CACNA2D1: variants seen among roughly 807,000 people sequenced by gnomAD.
CACNA2D1 encodes the protein voltage-dependent calcium channel subunit alpha-2/delta-1.
Under a neutral mutation model 171.5 loss-of-function variants are expected in CACNA2D1, and 53 were observed. The observed-to-expected ratio is 0.31, with a 90% CI of 0.25 to 0.39. CACNA2D1 has a LOEUF of 0.39. Ranked by LOEUF, CACNA2D1 falls within the 10% of genes least tolerant of loss-of-function variation. CACNA2D1 has a pLI of 1.00. For synonymous variants in CACNA2D1, 442 were observed against 443.1 expected (o/e 1.00, Z 0.03); for missense variants, 903 against 1,299.8 (o/e 0.69, Z 4.69).
In CACNA2D1 at chr7:81,974,498, A is replaced by G; in HGVS notation, c.2010T>C (p.Asn670=). 6.3e-7 allele frequency: 1 copy of G among 1,577,618 alleles called. No homozygotes were observed. The highest frequency in any genetic ancestry group is 8.7e-7 in the Non-Finnish European group (1 of 1,148,144). Residue 670 remains asparagine, a synonymous_variant, in exon 25 of 39, where the codon AAT becomes AAC. Transcript: ENST00000356860. ...ISDNNTEFLL[N]FNEFIDRKTP... is the part of the protein sequence containing the mutation. ...TTTTTCTATCAATAAACTCGTTGAA[A>G]TTTAAAAGAAATTCAGTGTTATTAT...
intron 10 of CACNA2D1, chr7:82,050,883 T>TAGG (rs1313861018): frequency 1.6e-5 from 7 of 424,908 alleles, no homozygotes; most frequent in Admixed American, 7.0e-5. Context: ...ACAGAAGCCC[T>TAGG]AGGTTACTTG....
intron 1 of CACNA2D1, among the ~76,000 whole-genome samples, chr7:82,442,309 G>A (rs1830565645): frequency 6.6e-6 from 1 of 152,160 alleles, no homozygotes; most frequent in South Asian, 2.1e-4. Context: ...TAAATACCGG[G>A]AAAGCTACCT....
chr7:81,950,533 A>G, intron 38 of CACNA2D1, 25 bp from the exon 39 acceptor site: 1 of 1,594,486 alleles, frequency 6.3e-7, no homozygotes, highest in Non-Finnish European at 8.5e-7. Context: ...AAAAGAAAAG[A>G]ACAGAAAAAG....
At chr7:82,137,002 G>A (rs904511339) in intron 4 of CACNA2D1, among the ~76,000 whole-genome samples, 2 of 152,134 alleles carry the variant, frequency 1.3e-5, no homozygotes, top group African/African-American at 2.4e-5. Context: ...ACAATGAACA[G>A]GATAATTCAA....
chr7:82,134,254 T>G (rs1232413074), intron 5 of CACNA2D1, among the ~76,000 whole-genome samples: 1 of 152,176 alleles, frequency 6.6e-6, no homozygotes, highest in Non-Finnish European at 1.5e-5. Context: ...AAGTATATTC[T>G]TTATGTATAA....
intron 3 of CACNA2D1, among the ~76,000 whole-genome samples, chr7:82,175,667 T>C (rs1796478802): frequency 6.6e-6 from 1 of 152,060 alleles, no homozygotes; most frequent in East Asian, 1.9e-4. Flanking sequence ...ACAATGAACA[T>C]GCACTGGTAA....
rs1476446913 is a variant in CACNA2D1, at chr7:82,299,749, TTA to T, written c.294+35384_294+35385del. Among the ~76,000 whole-genome samples, 5 of 152,222 alleles carry T rather than the reference TTA, an allele frequency of 3.3e-5. No homozygotes were observed. In the East Asian group the frequency reaches 7.7e-4, roughly 24 times the overall value. On this transcript the variant is annotated intron_variant, in intron 3 of 38. Coordinates refer to ENST00000356860, the MANE Select transcript of CACNA2D1 (RefSeq NM_000722.4). ...TCACATCTTTCAAACTTCAGTTTTATTATATGAGTAGCAATCAGATAAACATA... is the reference window on the plus strand; with the variant it reads ...TCACATCTTTCAAACTTCAGTTTTATTATGAGTAGCAATCAGATAAACATA...
At chr7:81,968,441 A>G (rs954279967) in intron 29 of CACNA2D1, among the ~76,000 whole-genome samples, 1 of 151,402 alleles carries the variant, frequency 6.6e-6, no homozygotes, top group Non-Finnish European at 1.5e-5. Flanking sequence ...TCACTTTAAC[A>G]GACGCCTACT....
At chr7:82,195,660 T>TA (rs75394173) in intron 3 of CACNA2D1, among the ~76,000 whole-genome samples, 4,178 of 142,538 alleles carry the variant, frequency 0.029, 143 homozygotes, top group African/African-American at 0.081. Flanking sequence ...TTCATGTATT[T>TA]AAAAAAAAAA....
At chr7:81,971,045 A>G in intron 26 of CACNA2D1, 1 of 307,310 alleles carries the variant, frequency 3.3e-6, no homozygotes, top group Non-Finnish European at 6.1e-6. Flanking sequence ...AAGCTACCAG[A>G]GATGGCTGGT....
intron 10 of CACNA2D1, among the ~76,000 whole-genome samples, chr7:82,059,930 G>A (rs372637909): frequency 8.5e-6 from 1 of 117,830 alleles, no homozygotes; most frequent in East Asian, 2.7e-4. Flanking sequence ...CTCACTCATA[G>A]GTGGGAATTG....
chr7:82,385,436 T>A (rs1230559199), intron 1 of CACNA2D1, among the ~76,000 whole-genome samples: 3 of 152,204 alleles, frequency 2.0e-5, no homozygotes, highest in Admixed American at 1.3e-4. Flanking sequence ...AAAAGTCTGG[T>A]GATAAAATAT....
chr7:81,976,157 T>G lies in CACNA2D1; in HGVS notation c.1956-1605A>C, dbSNP rs1443909934. 2.6e-5 allele frequency among the ~76,000 whole-genome samples: 4 copies of G among 151,976 alleles called. No individual in the cohort carries two copies. In the East Asian group the frequency reaches 7.7e-4, roughly 29 times the overall value. On this transcript the variant is annotated intron_variant, in intron 24 of 38. Coordinates refer to ENST00000356860, the MANE Select transcript of CACNA2D1 (RefSeq NM_000722.4). ...CTCAAGGGGAAAACTTCAATAAAAT[T>G]TATAATTCTGAAATCAGGTAGCGTG...
chr7:82,386,097 T>G (rs928402538), intron 1 of CACNA2D1, among the ~76,000 whole-genome samples: 2 of 152,214 alleles, frequency 1.3e-5, no homozygotes, highest in African/African-American at 4.8e-5. Context: ...GGAATGACTA[T>G]GCATTCTTGG....
chr7:82,202,200 C>T (rs762546815), intron 3 of CACNA2D1, among the ~76,000 whole-genome samples: 6 of 152,232 alleles, frequency 3.9e-5, no homozygotes, highest in African/African-American at 7.2e-5. Flanking sequence ...GCTGTACATA[C>T]GGCTTGCACC....
chr7:82,104,761 A>T (rs935709290), intron 6 of CACNA2D1, among the ~76,000 whole-genome samples: 2 of 152,112 alleles, frequency 1.3e-5, no homozygotes, highest in African/African-American at 4.8e-5. Context: ...ATGAACTCCT[A>T]TGTGAAAATT....
chr7:82,124,018 T>A (rs1041068954), intron 5 of CACNA2D1, among the ~76,000 whole-genome samples: 17 of 152,054 alleles, frequency 1.1e-4, no homozygotes, highest in Admixed American at 2.6e-4. Context: ...ATTTAAACCA[T>A]TTATTTTAGA....
chr7:82,081,423 C>T (rs1455842594), intron 7 of CACNA2D1, among the ~76,000 whole-genome samples: 2 of 152,114 alleles, frequency 1.3e-5, no homozygotes, highest in Admixed American at 1.3e-4. Flanking sequence ...TTACTAAATA[C>T]TTGGTTATAT....
At chr7:82,082,310 G>C (rs1036451565) in intron 7 of CACNA2D1, among the ~76,000 whole-genome samples, 2 of 152,072 alleles carry the variant, frequency 1.3e-5, no homozygotes, top group African/African-American at 4.8e-5. Context: ...CAACTGAAGG[G>C]TGGGGAGAGC....
Sources: gnomAD v4.1 joint callset for allele counts (sites outside exome capture counted in the v4.1 genomes callset) on GRCh38, gnomAD v4.1.1 for gene constraint, MANE v1.5 for transcripts, NCBI Gene and HGNC (gene_info 2026-07-23, HGNC 2026-07-21) for gene names.